The following ADAMTS10 variants were observed in gnomAD, a reference collection of about 807,000 sequenced individuals.
ADAMTS10 encodes the protein ADAM metallopeptidase with thrombospondin type 1 motif 10, also known as A disintegrin and metalloproteinase with thrombospondin motifs 10.
Under a neutral mutation model 135.9 loss-of-function variants are expected in ADAMTS10, and 48 were observed. That is an observed-to-expected ratio of 0.35 (90% CI 0.28 to 0.45). The LOEUF (loss-of-function observed/expected upper bound fraction) is 0.45. Ranked by LOEUF, ADAMTS10 falls within the 20% of genes least tolerant of loss-of-function variation. ADAMTS10 has a pLI of 1.00. For missense variants in ADAMTS10, 1,131 were observed against 1,565.2 expected (o/e 0.72, Z 4.68); for synonymous variants, 621 against 647.5 (o/e 0.96, Z 0.62).
chr19:8,596,307 G>A lies in ADAMTS10; in HGVS notation c.1190C>T (p.Thr397Ile), dbSNP rs782707942. The A allele has an allele frequency of 2.0e-5, 33 of 1,612,706 alleles. No individual in the cohort carries two copies. Among genetic ancestry groups the A allele is most frequent in the African/African-American group, 6.7e-5 (5 of 74,926 alleles). ...CCCCTCTTGTGTGCCCTGGCCTCAC[G>A]TGTGCCCGATCTCGTGGGCAATGGT... is the stretch of plus-strand genomic sequence containing the variant. ...AFTIAHEIGHTFGMNHDGVGN... is the reference protein window; with the variant it reads ...AFTIAHEIGHIFGMNHDGVGN... The change falls in exon 10 of 26, where the codon ACA becomes ATA. Residue 397 changes from threonine to isoleucine, a missense_variant and splice_region_variant. Thr to Ile is a moderately conservative substitution (Grantham distance 89). Coordinates refer to ENST00000597188, the MANE Select transcript of ADAMTS10 (RefSeq NM_030957.4). This position sits in a 1 kb window ranked among gnomAD's most constrained non-coding sequence, Gnocchi z 7.2.
rs1415083306 is a variant in ADAMTS10 at position 8,597,283 on chromosome 19, C to T, written c.845G>A (p.Ser282Asn). 1.2e-6 allele frequency: 2 copies of T among 1,613,992 alleles called. No homozygotes were observed. Among genetic ancestry groups the T allele is most frequent in the Non-Finnish European group, 1.7e-6 (2 of 1,180,022 alleles). ...AKLFQDSSLGSTVNILVTRLI... is the reference protein window; with the variant it reads ...AKLFQDSSLGNTVNILVTRLI... ...GCGAGTTACGAGGATGTTAACGGTGCTTCCCAGACTCGAGTCCTGGAAAAG... is the reference window on the plus strand; with the variant it reads ...GCGAGTTACGAGGATGTTAACGGTGTTTCCCAGACTCGAGTCCTGGAAAAG... The change falls in exon 7 of 26, where the codon AGC becomes AAC. Residue 282 changes from serine (S) to asparagine (N), a missense_variant. Ser to Asn is a conservative substitution (Grantham distance 46, BLOSUM62 1). Around this residue, in one of 3 missense-constraint regions of ADAMTS10, gnomAD observed 80 missense variants for 164.4 expected, o/e 0.49. Transcript: ENST00000597188.
chr19:8,589,742 C>G, intron 16 of ADAMTS10, 147 bp downstream of exon 16: 2 of 1,422,344 alleles, frequency 1.4e-6, no homozygotes, highest in South Asian at 1.2e-5. Context: ...CGTTGAACCC[C>G]CATGGTACCG....
In ADAMTS10 at chr19:8,596,447, G is replaced by A; in HGVS notation, c.1085-35C>T. On this transcript the variant is annotated intron_variant, in intron 9 of 25. Coordinates refer to ENST00000597188, the MANE Select transcript of ADAMTS10 (RefSeq NM_030957.4). This position sits in a 1 kb window ranked among gnomAD's most constrained non-coding sequence, Gnocchi z 7.2. The stretch of plus-strand genomic sequence containing the variant: ...CGGACATGTGGGGATGGGGCTGGGA[G>A]GCTCAGGACGGTGCTGGCTGGCCCC... The A allele has an allele frequency of 6.2e-7, 1 of 1,613,178 alleles. No individual in the cohort carries two copies. Among genetic ancestry groups the A allele is most frequent in the Non-Finnish European group, 8.5e-7 (1 of 1,179,350 alleles).
Position 8,581,014 on chromosome 19 carries a change from G to C in ADAMTS10, c.3203-12C>G, listed in dbSNP as rs781888648. The C allele has an allele frequency of 4.4e-6, 7 of 1,599,730 alleles. No homozygotes were observed. Among genetic ancestry groups the C allele is most frequent in the Middle Eastern group, 1.7e-4 (1 of 6,042 alleles). ...CACATCCTTGCACTCTGCGGGGACG[G>C]GAGAAGGAAGGAAAAATCAGGTCTC... On this transcript the variant is annotated splice_polypyrimidine_tract_variant and intron_variant, in intron 25 of 25. Transcript: ENST00000597188.
chr19:8,603,141 G>A (rs1702577220), intron 5 of ADAMTS10, among the ~76,000 whole-genome samples: 1 of 152,162 alleles, frequency 6.6e-6, no homozygotes, highest in Admixed American at 6.6e-5. Context: ...GAGAAGGAAT[G>A]GTTTTATACC....
chr19:8,591,660 T>G, intron 15 of ADAMTS10, 140 bp downstream of exon 15: 1 of 978,210 alleles, frequency 1.0e-6, no homozygotes, highest in South Asian at 1.4e-5. Context: ...CAGGATGGTC[T>G]CGATCTCCTG....
At chr19:8,598,033 T>C (rs918015879) in intron 6 of ADAMTS10, among the ~76,000 whole-genome samples, 5 of 151,866 alleles carry the variant, frequency 3.3e-5, no homozygotes, top group Non-Finnish European at 5.9e-5. Flanking sequence ...AGGCTGGTCT[T>C]GAACTCCTGA....
intron 13 of ADAMTS10, among the ~76,000 whole-genome samples, 165 bp downstream of exon 13, chr19:8,592,598 A>T (rs1367478573): frequency 6.8e-6 from 1 of 147,364 alleles, no homozygotes; most frequent in Non-Finnish European, 1.5e-5. Flanking sequence ...CAACGCGGGA[A>T]GGAGCAAGCA....
At chr19:8,586,312 T>A (rs375076433) in intron 21 of ADAMTS10, 32 bp downstream of exon 21, 1 of 1,613,232 alleles carries the variant, frequency 6.2e-7, no homozygotes, top group Non-Finnish European at 8.5e-7. Flanking sequence ...TCAGCCCAGG[T>A]ATCTTGTGCC....
At position 8,600,909 on chromosome 19, in the gene ADAMTS10, G is replaced by C. The variant is rs782700090; in HGVS notation, c.810+19C>G. 3 of 1,613,878 alleles carry C rather than the reference G, an allele frequency of 1.9e-6. No individual in the cohort carries two copies. The highest frequency in any genetic ancestry group is 3.3e-5 in the Admixed American group (2 of 60,018). ...CCAAGTCCTCAGGGCTGCGTGCCCA[G>C]GGAGGGGAAGGCACTTACAATGTTC... On this transcript the variant is annotated intron_variant, in intron 6 of 25. Transcript: ENST00000597188.
rs781827598 is a variant in ADAMTS10 at position 8,597,248 on chromosome 19, G to T, written c.880C>A (p.Leu294Ile). ...GTCCCCCGCACCTGGTCCTCCGTGA[G>T]CAGGATGAGGCGAGTTACGAGGATG... ...VNILVTRLIL[L>I]TEDQPTLEIT... Residue 294 changes from leucine (L) to isoleucine (I), a missense_variant, in exon 7 of 26, where the codon CTC (leucine) becomes ATC (isoleucine). By Grantham distance (5) the Leu-to-Ile change is conservative (BLOSUM62 2). Coordinates refer to ENST00000597188, the MANE Select transcript of ADAMTS10 (RefSeq NM_030957.4). 11 of 1,614,188 alleles carry T rather than the reference G, an allele frequency of 6.8e-6. No individual in the cohort carries two copies. The South Asian group carries it at 8.8e-5, about 13-fold the overall frequency.
chr19:8,595,685 G>T, intron 12 of ADAMTS10, 77 bp downstream of exon 12: 6 of 1,381,926 alleles, frequency 4.3e-6, no homozygotes, highest in Non-Finnish European at 4.9e-6. Flanking sequence ...CCAGGTGGGT[G>T]CCCTGGTGGA....
chr19:8,606,935 G>A (rs553004065), intron 2 of ADAMTS10, among the ~76,000 whole-genome samples: 1 of 152,280 alleles, frequency 6.6e-6, no homozygotes, highest in East Asian at 1.9e-4. Context: ...AGACTGGGAA[G>A]CAGAGGTTCA....
Position 8,595,790 on chromosome 19 carries a change from C to A in ADAMTS10, c.1451G>T (p.Gly484Val). 1 of 1,610,434 alleles carries A rather than the reference C, an allele frequency of 6.2e-7. No homozygotes were observed. The highest frequency in any genetic ancestry group is 8.5e-7 in the Non-Finnish European group (1 of 1,177,724). The change falls in exon 12 of 26, where the codon GGA (glycine) becomes GTA (valine). Residue 484 changes from glycine (G) to valine (V), a missense_variant. Physicochemically the swap from Gly to Val is moderately radical, Grantham distance 109. This residue lies in a region of ADAMTS10 where 745 missense variants were observed against 1,056.3 expected (regional missense o/e 0.71). Transcript: ENST00000597188. ...GTATTTACACTGACGCGATTTGACTCCATGCTGAAAGCGGCATTGCTCATC... is the reference window on the plus strand; with the variant it reads ...GTATTTACACTGACGCGATTTGACTACATGCTGAAAGCGGCATTGCTCATC... ...DADEQCRFQH[G>V]VKSRQCKYGE... is the part of the protein sequence containing the mutation.
intron 5 of ADAMTS10, among the ~76,000 whole-genome samples, chr19:8,602,991 T>C (rs980718657): frequency 2.6e-4 from 39 of 152,286 alleles, no homozygotes; most frequent in African/African-American, 9.4e-4. Context: ...GCTTTCCTTC[T>C]CTCTCATTTC....
chr19:8,605,804 G>A lies in ADAMTS10; in HGVS notation c.-94C>T, dbSNP rs1200315112. On this transcript the variant is annotated 5_prime_UTR_variant, in exon 3 of 26. Coordinates refer to ENST00000597188, the MANE Select transcript of ADAMTS10 (RefSeq NM_030957.4). The surrounding 1 kb of genome is among the most constrained non-coding windows in gnomAD (Gnocchi z 7.7). ...TGTTCACAGCCTTCGCAGCATCACC[G>A]GGCTCCTGGGAGGGGGGAGCCAGGT... 4.6e-6 allele frequency: 7 copies of A among 1,518,800 alleles called. No individual in the cohort carries two copies. Among genetic ancestry groups the A allele is most frequent in the African/African-American group, 4.1e-5 (3 of 72,568 alleles). 94.1% of individuals were successfully genotyped at this position (1,518,800 alleles called of 1,614,324 possible).
chr19:8,581,852 C>CAA (rs1289319906), intron 25 of ADAMTS10, among the ~76,000 whole-genome samples: 2 of 124,328 alleles, frequency 1.6e-5, no homozygotes, highest in Non-Finnish European at 3.5e-5. Flanking sequence ...AACAAAAAAA[C>CAA]AAAAAAACAA....
At position 8,601,053 on chromosome 19, in the gene ADAMTS10, G is replaced by C; in HGVS notation, c.685C>G (p.Pro229Ala). 1 of 1,614,114 alleles carries C rather than the reference G, an allele frequency of 6.2e-7. No individual in the cohort carries two copies. The highest frequency in any genetic ancestry group is 2.2e-5 in the East Asian group (1 of 44,880). The change falls in exon 6 of 26, where the codon CCA (proline) becomes GCA (alanine). Residue 229 changes from proline to alanine, a missense_variant. Transcript: ENST00000597188. This position sits in a 1 kb window ranked among gnomAD's most constrained non-coding sequence, Gnocchi z 4.6. ...PLGNETERGQ[P>A]GLKRSVSRER... The stretch of plus-strand genomic sequence containing the variant: ...CGGCTGACCGATCGCTTCAGGCCTG[G>C]CTGGCCACGCTCTGTTTCATTCCCC...
chr19:8,584,749 G>A (rs2042400113), intron 25 of ADAMTS10, 146 bp downstream of exon 25: 3 of 1,175,846 alleles, frequency 2.6e-6, no homozygotes, highest in Non-Finnish European at 3.6e-6. Context: ...TGCAGGGAGG[G>A]GATGGTGAAG....
Sources: allele counts gnomAD v4.1 joint callset (sites outside exome capture counted in the v4.1 genomes callset), GRCh38; gene constraint gnomAD v4.1.1; regional missense constraint gnomAD v4.1.1; non-coding constraint Gnocchi (gnomAD v3.1); transcripts MANE v1.5; gene names NCBI Gene and HGNC (gene_info 2026-07-23, HGNC 2026-07-21).